Variants in SOX5 observed in about 807,000 individuals in gnomAD.
SOX5 encodes transcription factor SOX-5.
SOX5 carries 9 observed loss-of-function variants against 92.0 expected under a neutral mutation model. That is an observed-to-expected ratio of 0.10 (90% CI 0.06 to 0.17). The LOEUF is 0.17. SOX5 is among the 10% of genes least tolerant of loss of function. SOX5 has a pLI of 1.00. For missense variants in SOX5, 642 were observed against 944.5 expected (o/e 0.68, Z 4.20); for synonymous variants, 344 against 336.3 (o/e 1.02, Z -0.25).
intron 4 of SOX5, among the ~76,000 whole-genome samples, chr12:24,028,146 C>T (rs1175872148): frequency 2.6e-5 from 4 of 151,960 alleles, no homozygotes; most frequent in Non-Finnish European, 4.4e-5. Context: ...CCCTCTTATG[C>T]CTCTGTACAG....
intron 4 of SOX5, among the ~76,000 whole-genome samples, chr12:24,135,152 C>T (rs573406955): frequency 7.2e-5 from 11 of 152,224 alleles, no homozygotes; most frequent in South Asian, 6.3e-4. Context: ...AGACCTGCTC[C>T]GCTATTTTCA....
upstream of SOX5, chr12:23,949,802 C>A (rs1022073514): frequency 2.2e-6 from 1 of 446,040 alleles, no homozygotes; most frequent in Non-Finnish European, 3.8e-6. Context: ...CTTTCTCCCC[C>A]CCTCCTTCCC....
intron 1 of SOX5, among the ~76,000 whole-genome samples, chr12:24,483,571 G>A (rs140973557): frequency 2.0e-4 from 31 of 152,240 alleles, no homozygotes; most frequent in African/African-American, 5.8e-4. Flanking sequence ...TGTATTTAAC[G>A]TTGCATGAAC....
At chr12:23,903,607 T>C (rs2097260316) in intron 1 of SOX5, among the ~76,000 whole-genome samples, 1 of 152,180 alleles carries the variant, frequency 6.6e-6, no homozygotes, top group Admixed American at 6.5e-5. Context: ...TAATTAAAAA[T>C]ATTTAATAGA....
intron 5 of SOX5, among the ~76,000 whole-genome samples, chr12:23,739,497 A>T (rs1374370975): frequency 6.6e-6 from 1 of 152,164 alleles, no homozygotes; most frequent in Non-Finnish European, 1.5e-5. Flanking sequence ...TATAGCATTT[A>T]ACACTGTTCC....
upstream of SOX5, among the ~76,000 whole-genome samples, chr12:23,952,815 A>C (rs1336065720): frequency 6.6e-6 from 1 of 152,046 alleles, no homozygotes; most frequent in Non-Finnish European, 1.5e-5. Flanking sequence ...TATTTCCCTA[A>C]TTTTCCCACT....
intron 6 of SOX5, among the ~76,000 whole-genome samples, chr12:23,684,399 G>A (rs1416413105): frequency 6.6e-6 from 1 of 151,896 alleles, no homozygotes; most frequent in East Asian, 1.9e-4. Flanking sequence ...ATATTCACAA[G>A]ATCTATTGTC....
intron 7 of SOX5, among the ~76,000 whole-genome samples, chr12:23,654,263 CAAT>C (rs1345783275): frequency 6.6e-6 from 1 of 152,016 alleles, no homozygotes; most frequent in East Asian, 1.9e-4. Context: ...TTTCATATAA[CAAT>C]AATTCTTTTA....
At chr12:24,368,232 T>G (rs1956362168) in intron 2 of SOX5, 1 of 152,196 alleles carries the variant, frequency 6.6e-6, no homozygotes, top group Non-Finnish European at 1.5e-5. Context: ...ATGTGTGATG[T>G]GCTTTGGTGG....
intron 3 of SOX5, among the ~76,000 whole-genome samples, chr12:24,255,823 C>T (rs1941070850): frequency 1.3e-5 from 2 of 152,084 alleles, no homozygotes; most frequent in African/African-American, 4.8e-5. Flanking sequence ...TTATAAGTTC[C>T]ATACTTCAAT....
intron 1 of SOX5, among the ~76,000 whole-genome samples, chr12:24,495,425 T>A (rs1341646690): frequency 6.6e-6 from 1 of 152,204 alleles, no homozygotes; most frequent in Non-Finnish European, 1.5e-5. Flanking sequence ...GCCCAAAAGG[T>A]ATGTAAAGTA....
At chr12:23,894,157 T>A (rs2137634575) in intron 2 of SOX5, among the ~76,000 whole-genome samples, 1 of 152,288 alleles carries the variant, frequency 6.6e-6, no homozygotes, top group Non-Finnish European at 1.5e-5. Flanking sequence ...AATGAGTTAT[T>A]ATACCATCAA....
intron 3 of SOX5, among the ~76,000 whole-genome samples, chr12:24,264,410 T>C (rs191353630): frequency 2.6e-5 from 4 of 152,328 alleles, no homozygotes; most frequent in Admixed American, 1.3e-4. Context: ...TTGATATCAG[T>C]ATGAAGTTTA....
At chr12:24,305,265 C>T (rs1306002898) in intron 2 of SOX5, among the ~76,000 whole-genome samples, 1 of 152,208 alleles carries the variant, frequency 6.6e-6, no homozygotes, top group Non-Finnish European at 1.5e-5. Context: ...ACAAGGATCT[C>T]TCCAGGGATT....
intron 8 of SOX5, among the ~76,000 whole-genome samples, chr12:23,609,987 T>C (rs1260524720): frequency 6.6e-6 from 1 of 152,148 alleles, no homozygotes; most frequent in Non-Finnish European, 1.5e-5. Flanking sequence ...AATGGCCCAC[T>C]ATGGGGCTAG....
At chr12:23,860,963 A>AAC (rs2096749674) in intron 2 of SOX5, among the ~76,000 whole-genome samples, 1 of 145,902 alleles carries the variant, frequency 6.9e-6, no homozygotes, top group African/African-American at 2.5e-5. Context: ...AAAAAAAAAA[A>AAC]AAAAAAAAAA....
At chr12:24,320,369 C>A (rs990965691) in intron 2 of SOX5, among the ~76,000 whole-genome samples, 2 of 152,144 alleles carry the variant, frequency 1.3e-5, no homozygotes, top group Non-Finnish European at 2.9e-5. Context: ...TTGATAACTT[C>A]ATCTCACTAT....
chr12:24,289,676 C>G (rs543581488), intron 2 of SOX5, among the ~76,000 whole-genome samples: 1 of 148,502 alleles, frequency 6.7e-6, no homozygotes, highest in East Asian at 2.0e-4. Flanking sequence ...GGGATGGTCT[C>G]GATCTCCTGA....
chr12:23,701,881 C>T (rs1408915263), intron 6 of SOX5, among the ~76,000 whole-genome samples: 2 of 152,014 alleles, frequency 1.3e-5, no homozygotes, highest in African/African-American at 4.8e-5. Context: ...ATCACATACC[C>T]TTTCTTTACC....
Sources: allele counts gnomAD v4.1 joint callset (sites outside exome capture counted in the v4.1 genomes callset), GRCh38; gene constraint gnomAD v4.1.1; transcripts MANE v1.5; gene names NCBI Gene and HGNC (gene_info 2026-07-23, HGNC 2026-07-21).